VAV2: variants seen among roughly 807,000 people sequenced by gnomAD.
The protein encoded by VAV2 is guanine nucleotide exchange factor VAV2.
In VAV2, 67 loss-of-function variants were observed where a neutral mutation model predicts 132.5. The ratio of observed to expected loss-of-function variants is 0.51; its 90% CI spans 0.42 to 0.62. VAV2 has a LOEUF of 0.62. Ranked by LOEUF, VAV2 falls within the 20% of genes least tolerant of loss-of-function variation. VAV2 has a pLI of 0.00. For missense variants in VAV2, 938 were observed against 1,153.6 expected (o/e 0.81, Z 2.71); for synonymous variants, 492 against 443.5 (o/e 1.11, Z -1.37).
chr9:133,847,236 G>A (rs1385673853), intron 3 of VAV2, among the ~76,000 whole-genome samples: 1 of 152,206 alleles, frequency 6.6e-6, no homozygotes, highest in Non-Finnish European at 1.5e-5. Context: ...TCCTGCAGCT[G>A]CCCCCTCCCA....
intron 26 of VAV2, among the ~76,000 whole-genome samples, chr9:133,771,694 G>T (rs1833632907): frequency 6.6e-6 from 1 of 152,188 alleles, no homozygotes; most frequent in South Asian, 2.1e-4. Context: ...GGGGCTGCTG[G>T]TGGCCTGGGC....
chr9:133,809,987 C>T (rs1028911150), intron 6 of VAV2, among the ~76,000 whole-genome samples: 2 of 152,220 alleles, frequency 1.3e-5, no homozygotes, highest in South Asian at 4.1e-4. Flanking sequence ...GGCTGCAGGT[C>T]TCTAAGGCAA....
chr9:133,768,379 G>A lies in VAV2; in HGVS notation c.2589+63C>T. 1 of 1,577,588 alleles carries A rather than the reference G, an allele frequency of 6.3e-7. No homozygotes were observed. The highest frequency in any genetic ancestry group is 1.2e-5 in the South Asian group (1 of 86,266). ...ACATAGGTGTGGTGCTAGTCTGCCT[G>A]AGCCCGACCAGGTAGGGGCTGCAGC... On this transcript the variant is annotated intron_variant, in intron 29 of 29. Transcript: ENST00000371850. The surrounding 1 kb of genome is among the most constrained non-coding windows in gnomAD (Gnocchi z 5.3).
chr9:133,970,783 A>G (rs1842305696), intron 1 of VAV2, among the ~76,000 whole-genome samples: 1 of 152,204 alleles, frequency 6.6e-6, no homozygotes, highest in Non-Finnish European at 1.5e-5. Context: ...GTCCATCTGC[A>G]GGGCAGCCCT....
At chr9:133,958,557 G>A (rs1226469530) in intron 1 of VAV2, among the ~76,000 whole-genome samples, 2 of 134,610 alleles carry the variant, frequency 1.5e-5, no homozygotes, top group African/African-American at 2.5e-5. Context: ...AAACACCCAC[G>A]AATGACCAAT....
intron 1 of VAV2, among the ~76,000 whole-genome samples, chr9:133,977,202 G>A (rs753135119): frequency 8.5e-5 from 13 of 152,226 alleles, no homozygotes; most frequent in South Asian, 2.1e-4. Context: ...AGCATCCCAC[G>A]AGGACCTCCG....
chr9:133,970,035 CT>C (rs1842277297), intron 1 of VAV2, among the ~76,000 whole-genome samples: 1 of 152,152 alleles, frequency 6.6e-6, no homozygotes, highest in Non-Finnish European at 1.5e-5. Context: ...TCTGCACCCC[CT>C]GGCCTCAGCA....
At position 133,806,080 on chromosome 9, in the gene VAV2, C is replaced by G; in HGVS notation, c.836+1G>C. The G allele has an allele frequency of 6.2e-7, 1 of 1,612,386 alleles. No individual in the cohort carries two copies. The highest frequency in any genetic ancestry group is 8.5e-7 in the Non-Finnish European group (1 of 1,179,712). ...AGCCCCAGGAGCCGGCAGCCACTCA[C>G]CTTTCCTTGAAATCGAGGAAGACCT... On this transcript the variant is annotated splice_donor_variant, in intron 9 of 29. Coordinates refer to ENST00000371850, the MANE Select transcript of VAV2 (RefSeq NM_001134398.2). LOFTEE classifies it high-confidence loss of function.
chr9:133,905,996 C>T (rs185750778), intron 2 of VAV2, among the ~76,000 whole-genome samples: 4 of 152,190 alleles, frequency 2.6e-5, no homozygotes, highest in Non-Finnish European at 5.9e-5. Flanking sequence ...GCCATGATCG[C>T]GCCACTGAAT....
At chr9:133,845,000 C>T (rs1836874113) in intron 3 of VAV2, among the ~76,000 whole-genome samples, 1 of 152,178 alleles carries the variant, frequency 6.6e-6, no homozygotes, top group South Asian at 2.1e-4. Context: ...AACACCGTTC[C>T]TTTTTTTTAC....
chr9:133,939,925 C>A (rs1389053554), intron 1 of VAV2, among the ~76,000 whole-genome samples: 34 of 152,246 alleles, frequency 2.2e-4, no homozygotes. Context: ...CTGCCCACTG[C>A]CAACCAGTGA....
Position 133,884,066 on chromosome 9 carries a change from C to T in VAV2, c.322-22634G>A, listed in dbSNP as rs868641292. Among the ~76,000 whole-genome samples the T allele has an allele frequency of 1.7e-4, 26 of 149,394 alleles. No individual in the cohort carries two copies. Among genetic ancestry groups the T allele is most frequent in the South Asian group, 4.2e-4 (2 of 4,784 alleles). On this transcript the variant is annotated intron_variant, in intron 2 of 29. Transcript: ENST00000371850. This position sits in a 1 kb window ranked among gnomAD's most constrained non-coding sequence, Gnocchi z 5.3. ...AGGGGAATCACTTGAACCCGGGAGG[C>T]GGAGGTTGCAGCGAGGCGGAGGTTG... is the stretch of plus-strand genomic sequence containing the variant.
chr9:133,856,021 A>G (rs1356614213), intron 3 of VAV2, among the ~76,000 whole-genome samples: 1 of 152,246 alleles, frequency 6.6e-6, no homozygotes, highest in African/African-American at 2.4e-5. Flanking sequence ...TGAACCTTGA[A>G]AACAAGATGC....
intron 1 of VAV2, among the ~76,000 whole-genome samples, chr9:133,954,159 T>A (rs981598499): frequency 6.6e-6 from 1 of 152,188 alleles, no homozygotes; most frequent in East Asian, 1.9e-4. Context: ...TTAGCACCCA[T>A]CATTTCGAGA....
At chr9:133,916,089 G>A (rs896584192) in intron 2 of VAV2, among the ~76,000 whole-genome samples, 4 of 152,196 alleles carry the variant, frequency 2.6e-5, no homozygotes, top group Non-Finnish European at 4.4e-5. Context: ...GTGCACACAC[G>A]CACCTTCCCT....
chr9:133,784,038 G>A lies in VAV2; in HGVS notation c.1634+279C>T, dbSNP rs369505194. Among the ~76,000 whole-genome samples, 6 of 152,122 alleles carry A rather than the reference G, an allele frequency of 3.9e-5. No individual in the cohort carries two copies. The East Asian group carries it at 1.2e-3, about 29-fold the overall frequency. ...TGGGGCCACAGGAGCAGGCCAACAC[G>A]CCTGGCTGACTTTGGTATTTTTTGT... On this transcript the variant is annotated intron_variant, in intron 18 of 29. Coordinates refer to ENST00000371850, the MANE Select transcript of VAV2 (RefSeq NM_001134398.2).
At chr9:133,931,328 C>T (rs997621773) in intron 2 of VAV2, among the ~76,000 whole-genome samples, 6 of 152,288 alleles carry the variant, frequency 3.9e-5, no homozygotes, top group Admixed American at 2.0e-4. Flanking sequence ...TCCACAGCAG[C>T]GAGGGGGAGC....
chr9:133,853,089 C>G (rs1837249616), intron 3 of VAV2, among the ~76,000 whole-genome samples: 1 of 152,234 alleles, frequency 6.6e-6, no homozygotes, highest in Non-Finnish European at 1.5e-5. Context: ...CCGCCAGCCA[C>G]TCGGCTGTCA....
chr9:133,992,057 C>T lies in VAV2; in HGVS notation c.204+18G>A, dbSNP rs770498737. The T allele has an allele frequency of 2.4e-5, 37 of 1,532,006 alleles. No homozygotes were observed. Among genetic ancestry groups the T allele is most frequent in the Non-Finnish European group, 3.0e-5 (34 of 1,140,236 alleles). 94.9% of individuals were successfully genotyped at this position (1,532,006 alleles called of 1,614,324 possible). Reference sequence around the variant, plus strand: ...GAACGCCGCCTCCCCGGGGCCCTCCCGCCCGCCGGGCGCTCACCTGGGACA... The same window carrying T: ...GAACGCCGCCTCCCCGGGGCCCTCCTGCCCGCCGGGCGCTCACCTGGGACA... On this transcript the variant is annotated intron_variant, in intron 1 of 29. Coordinates refer to ENST00000371850, the MANE Select transcript of VAV2 (RefSeq NM_001134398.2). This position sits in a 1 kb window ranked among gnomAD's most constrained non-coding sequence, Gnocchi z 5.5.
Sources: gnomAD v4.1 joint callset for allele counts (sites outside exome capture counted in the v4.1 genomes callset) on GRCh38, gnomAD v4.1.1 for gene constraint, Gnocchi (gnomAD v3.1) non-coding constraint, MANE v1.5 for transcripts, NCBI Gene and HGNC (gene_info 2026-07-23, HGNC 2026-07-21) for gene names.